Variants in ADGRB1 observed in about 807,000 individuals in gnomAD.
The protein encoded by ADGRB1 is brain-specific angiogenesis inhibitor 1.
Under a neutral mutation model 175.7 loss-of-function variants are expected in ADGRB1, and 36 were observed. That is an observed-to-expected ratio of 0.20 (90% CI 0.16 to 0.27). The LOEUF is 0.27. ADGRB1 is among the 10% of genes least tolerant of loss of function. The probability of loss-of-function intolerance (pLI) is 1.00; values close to 1 mark genes in which losing one functional copy is unlikely to be tolerated. For missense variants in ADGRB1, 1,731 were observed against 2,255.3 expected (o/e 0.77, Z 4.71); for synonymous variants, 1,054 against 979.4 (o/e 1.08, Z -1.42).
intron 1 of ADGRB1, among the ~76,000 whole-genome samples, chr8:142,452,410 C>T (rs1839408813): frequency 6.6e-6 from 1 of 152,164 alleles, no homozygotes; most frequent in Non-Finnish European, 1.5e-5. Context: ...GTCGCCTCGG[C>T]CTCAGGCAGC....
chr8:142,539,468 A>G, intron 27 of ADGRB1, 55 bp downstream of exon 27: 3 of 1,572,736 alleles, frequency 1.9e-6, no homozygotes, highest in Non-Finnish European at 2.6e-6. Flanking sequence ...GCATGGCCCC[A>G]CTCCACGCCT....
intron 17 of ADGRB1, among the ~76,000 whole-genome samples, chr8:142,501,759 A>G (rs1202706038): frequency 2.4e-5 from 1 of 41,378 alleles, no homozygotes; most frequent in African/African-American, 5.4e-5. Flanking sequence ...GGTGATGGCA[A>G]TGGTGGGGTG....
intron 9 of ADGRB1, among the ~76,000 whole-genome samples, chr8:142,480,949 C>A (rs905511811): frequency 5.3e-5 from 8 of 152,038 alleles, no homozygotes; most frequent in Admixed American, 2.0e-4. Context: ...GAAGGGGCTC[C>A]GAAGGAGGTC....
chr8:142,502,606 G>GA (rs1842676297), intron 17 of ADGRB1, among the ~76,000 whole-genome samples: 1 of 149,552 alleles, frequency 6.7e-6, no homozygotes, highest in South Asian at 2.2e-4. Context: ...TTTGATGATG[G>GA]GGTGGTGGCT....
At chr8:142,468,214 G>A (rs1346917547) in intron 2 of ADGRB1, among the ~76,000 whole-genome samples, 2 of 151,744 alleles carry the variant, frequency 1.3e-5, no homozygotes, top group African/African-American at 2.4e-5. Flanking sequence ...GGGTGCGTGT[G>A]TGTGTGTGTG....
chr8:142,538,100 C>T (rs940472377), intron 26 of ADGRB1, among the ~76,000 whole-genome samples: 17 of 152,204 alleles, frequency 1.1e-4, no homozygotes, highest in African/African-American at 3.6e-4. Flanking sequence ...CACAAGCTTC[C>T]ACCCCAGGTG....
At chr8:142,519,085 G>A (rs1460699154) in intron 19 of ADGRB1, among the ~76,000 whole-genome samples, 1 of 152,136 alleles carries the variant, frequency 6.6e-6, no homozygotes, top group African/African-American at 2.4e-5. Context: ...TGCCTGAGGG[G>A]ACAGCATCCA....
At chr8:142,501,085 C>T (rs976196239) in intron 17 of ADGRB1, among the ~76,000 whole-genome samples, 2 of 152,092 alleles carry the variant, frequency 1.3e-5, no homozygotes, top group Non-Finnish European at 2.9e-5. Context: ...GGGACAGTGA[C>T]GGAGCTGGTT....
In ADGRB1 at chr8:142,537,321, C is replaced by T. The variant is rs916636123; in HGVS notation, c.3666+239C>T. Among the ~76,000 whole-genome samples the T allele has an allele frequency of 2.0e-5, 3 of 152,002 alleles. No individual in the cohort carries two copies. Among genetic ancestry groups the T allele is most frequent in the African/African-American group, 7.3e-5 (3 of 41,350 alleles). The stretch of plus-strand genomic sequence containing the variant: ...TGGAGGTCTCAGCGGAGGCTGGCAT[C>T]CACCCCACACTCACCCCCGCTGGCA... On this transcript the variant is annotated intron_variant, in intron 26 of 30. Coordinates refer to ENST00000517894, the MANE Select transcript of ADGRB1 (RefSeq NM_001702.3). The surrounding 1 kb of genome is among the most constrained non-coding windows in gnomAD (Gnocchi z 4.6).
intron 2 of ADGRB1, among the ~76,000 whole-genome samples, chr8:142,469,457 G>T (rs1374871729): frequency 2.7e-5 from 4 of 149,300 alleles, no homozygotes; most frequent in African/African-American, 1.0e-4. Flanking sequence ...GTGCGTGAAT[G>T]TGTGTATGCA....
At chr8:142,530,165 G>T (rs140153425) in intron 24 of ADGRB1, among the ~76,000 whole-genome samples, 1 of 152,058 alleles carries the variant, frequency 6.6e-6, no homozygotes, top group Admixed American at 6.6e-5. Flanking sequence ...CTGTGTGTGC[G>T]TGTGTGTGTA....
chr8:142,540,159 A>G (rs1282026677), intron 27 of ADGRB1: 1 of 152,276 alleles, frequency 6.6e-6, no homozygotes, highest in Non-Finnish European at 1.5e-5. Flanking sequence ...TCATTTAGAT[A>G]TTTGAAGAGC....
chr8:142,521,484 C>G (rs7828246), intron 20 of ADGRB1, among the ~76,000 whole-genome samples: 129,461 of 152,248 alleles, frequency 0.85, 57,635 homozygotes, highest in Non-Finnish European at 0.98. Context: ...CGCTGACAAT[C>G]TAGGAGAGAA....
Position 142,543,687 on chromosome 8 carries a change from G to A in ADGRB1, c.4536G>A (p.Glu1512=). The A allele has an allele frequency of 1.3e-6, 2 of 1,560,082 alleles. No homozygotes were observed. The highest frequency in any genetic ancestry group is 1.7e-6 in the Non-Finnish European group (2 of 1,152,286). ...AGCACGCAGCGGAGAAGGACAAGGA[G>A]GTGCTGGGGCCGGACAGCAAGGTCT... ...KLQHAAEKDK[E]VLGPDSKPEK... The change falls in exon 30 of 31, where the codon GAG becomes GAA. Residue 1512 remains glutamate (E), a synonymous_variant. Coordinates refer to ENST00000517894, the MANE Select transcript of ADGRB1 (RefSeq NM_001702.3). This position sits in a 1 kb window ranked among gnomAD's most constrained non-coding sequence, Gnocchi z 4.4.
At position 142,493,900 on chromosome 8, in the gene ADGRB1, G is replaced by A. The variant is rs544606897; in HGVS notation, c.2675+3085G>A. The stretch of plus-strand genomic sequence containing the variant: ...GGGGCCACTCCTCGCCCTGTGAACT[G>A]TCTCCGGGGAGCTGAGTTTCCCAGT... On this transcript the variant is annotated intron_variant, in intron 17 of 30. Coordinates refer to ENST00000517894, the MANE Select transcript of ADGRB1 (RefSeq NM_001702.3). The surrounding 1 kb of genome is among the most constrained non-coding windows in gnomAD (Gnocchi z 5.0). Among the ~76,000 whole-genome samples, 2 of 152,342 alleles carry A rather than the reference G, an allele frequency of 1.3e-5. No homozygotes were observed. Among genetic ancestry groups the A allele is most frequent in the South Asian group, 4.1e-4 (2 of 4,832 alleles).
intron 17 of ADGRB1, among the ~76,000 whole-genome samples, chr8:142,508,035 G>A (rs538317169): frequency 3.3e-5 from 5 of 152,138 alleles, no homozygotes; most frequent in African/African-American, 9.6e-5. Flanking sequence ...GCAAGACAGC[G>A]GTGGGCCTGG....
At chr8:142,518,355 G>C (rs13278828) in intron 19 of ADGRB1, 114 bp downstream of exon 19, 1,110,975 of 1,110,984 alleles carry the variant, frequency 1, 555,483 homozygotes, top group Middle Eastern at 1. Context: ...TTGTCCTCAC[G>C]TTCCCAGTCA....
chr8:142,472,988 C>T (rs1478203425), intron 2 of ADGRB1, among the ~76,000 whole-genome samples: 1 of 151,936 alleles, frequency 6.6e-6, no homozygotes, highest in Non-Finnish European at 1.5e-5. Context: ...CCCGCCCCTC[C>T]GAAGCCTCTC....
intron 1 of ADGRB1, among the ~76,000 whole-genome samples, chr8:142,462,141 C>T (rs1400900505): frequency 6.6e-6 from 1 of 152,134 alleles, no homozygotes; most frequent in Non-Finnish European, 1.5e-5. Flanking sequence ...CCAGGTCTGC[C>T]ACGAATGCGC....
Sources: allele counts gnomAD v4.1 joint callset (sites outside exome capture counted in the v4.1 genomes callset), GRCh38; gene constraint gnomAD v4.1.1; non-coding constraint Gnocchi (gnomAD v3.1); transcripts MANE v1.5; gene names NCBI Gene and HGNC (gene_info 2026-07-23, HGNC 2026-07-21).